FGD4: variants seen among roughly 807,000 people sequenced by gnomAD.
The protein encoded by FGD4 is FYVE, RhoGEF and PH domain-containing protein 4.
FGD4 carries 42 observed loss-of-function variants against 102.0 expected under a neutral mutation model. The ratio of observed to expected loss-of-function variants is 0.41; its 90% CI spans 0.32 to 0.53. The LOEUF (loss-of-function observed/expected upper bound fraction) is 0.53. Ranked by LOEUF, FGD4 falls within the 20% of genes least tolerant of loss-of-function variation. FGD4 has a pLI of 0.21. For synonymous variants in FGD4, 380 were observed against 375.7 expected (o/e 1.01, Z -0.13); for missense variants, 902 against 1,078.2 (o/e 0.84, Z 2.29).
intron 1 of FGD4, among the ~76,000 whole-genome samples, chr12:32,527,989 C>T (rs552080628): frequency 2.6e-5 from 4 of 151,730 alleles, no homozygotes; most frequent in Non-Finnish European, 5.9e-5. Flanking sequence ...TTTTTGGTGA[C>T]AGTCTTGCTC....
intron 1 of FGD4, among the ~76,000 whole-genome samples, chr12:32,552,145 C>T (rs1943716713): frequency 2.0e-5 from 3 of 152,210 alleles, no homozygotes; most frequent in African/African-American, 7.2e-5. Context: ...CAGAAAGAGA[C>T]ACATGTACTT....
intron 1 of FGD4, among the ~76,000 whole-genome samples, chr12:32,416,158 C>G (rs1484749417): frequency 6.6e-6 from 1 of 152,114 alleles, no homozygotes; most frequent in African/African-American, 2.4e-5. Context: ...TGCCACCATG[C>G]CCAGCTAATT....
intron 1 of FGD4, among the ~76,000 whole-genome samples, chr12:32,530,320 TA>T (rs1179974323): frequency 6.6e-6 from 1 of 152,002 alleles, no homozygotes; most frequent in Non-Finnish European, 1.5e-5. Flanking sequence ...CTGTCTCTAC[TA>T]AAAAAACGAA....
chr12:32,591,251 A>AATG (rs984582202), intron 4 of FGD4, among the ~76,000 whole-genome samples: 1 of 152,180 alleles, frequency 6.6e-6, no homozygotes, highest in Non-Finnish European at 1.5e-5. Flanking sequence ...GTCCTATAAA[A>AATG]ACCTGATAAT....
chr12:32,514,763 T>C (rs1939730793), intron 1 of FGD4, among the ~76,000 whole-genome samples: 1 of 152,176 alleles, frequency 6.6e-6, no homozygotes, highest in African/African-American at 2.4e-5. Context: ...AAAGTTGACA[T>C]CTCAAATCAA....
At chr12:32,597,046 C>A (rs1233729600) in intron 4 of FGD4, among the ~76,000 whole-genome samples, 1 of 151,854 alleles carries the variant, frequency 6.6e-6, no homozygotes, top group Non-Finnish European at 1.5e-5. Context: ...CACAAAACAA[C>A]TGACAAAATA....
intron 1 of FGD4, among the ~76,000 whole-genome samples, chr12:32,559,257 A>G (rs1314348285): frequency 1.3e-5 from 2 of 152,228 alleles, no homozygotes; most frequent in African/African-American, 2.4e-5. Context: ...CCAAGATGTT[A>G]GCAGATGAAG....
At chr12:32,625,138 A>G in intron 13 of FGD4, 70 bp downstream of exon 13, 3 of 1,345,438 alleles carry the variant, frequency 2.2e-6, no homozygotes, top group South Asian at 1.2e-5. Context: ...CTGTCTAATC[A>G]TTTTGTTCTC....
chr12:32,407,650 A>G (rs906160083), intron 1 of FGD4, among the ~76,000 whole-genome samples: 8 of 151,900 alleles, frequency 5.3e-5, no homozygotes, highest in Non-Finnish European at 8.8e-5. Flanking sequence ...TTGACTCCTC[A>G]TTGCACTTTT....
chr12:32,546,267 T>C (rs1418397157), intron 1 of FGD4, among the ~76,000 whole-genome samples: 2 of 152,232 alleles, frequency 1.3e-5, no homozygotes, highest in Non-Finnish European at 2.9e-5. Context: ...TCTCAGTATG[T>C]TGCTTAGGCT....
At chr12:32,427,000 TA>T (rs1314907595) in intron 1 of FGD4, among the ~76,000 whole-genome samples, 12 of 151,982 alleles carry the variant, frequency 7.9e-5, no homozygotes, top group South Asian at 4.2e-4. Context: ...GTTAATCTTT[TA>T]AAAAAAACCA....
intron 2 of FGD4, 114 bp downstream of exon 2, chr12:32,564,403 T>A: frequency 8.2e-7 from 1 of 1,215,844 alleles, no homozygotes; most frequent in Non-Finnish European, 1.1e-6. Flanking sequence ...AGGAATTGGG[T>A]ACATTATTTT....
rs570081830 is a variant in FGD4 at position 32,556,251 on chromosome 12, A to T, written c.167-7886A>T. ...GGTTAAACAAGGGGTATGCTTTAAA[A>T]TTTTTTTTAATTTTAATTGTGGTAA... On this transcript the variant is annotated intron_variant, in intron 1 of 16. Coordinates refer to ENST00000534526, the MANE Select transcript of FGD4 (RefSeq NM_001370298.3). Among the ~76,000 whole-genome samples the T allele has an allele frequency of 3.7e-3, 565 of 152,058 alleles. 2 individuals are homozygous for T. The highest frequency in any genetic ancestry group is 0.013 in the African/African-American group (526 of 41,490).
intron 1 of FGD4, among the ~76,000 whole-genome samples, chr12:32,525,634 G>A (rs1941065345): frequency 6.6e-6 from 1 of 152,234 alleles, no homozygotes; most frequent in East Asian, 1.9e-4. Flanking sequence ...GCTGGCCAAG[G>A]CCGGAGCCCA....
At chr12:32,491,157 A>G (rs375552409) in intron 1 of FGD4, among the ~76,000 whole-genome samples, 2 of 150,676 alleles carry the variant, frequency 1.3e-5, no homozygotes, top group South Asian at 2.1e-4. Context: ...AAAACAAAAA[A>G]CTATAAAATT....
intron 1 of FGD4, among the ~76,000 whole-genome samples, chr12:32,562,478 C>T (rs1380306358): frequency 6.6e-6 from 1 of 152,030 alleles, no homozygotes; most frequent in South Asian, 2.1e-4. Flanking sequence ...TTGGCAGGGT[C>T]ATAGGACAAT....
At chr12:32,421,869 A>G (rs928730009) in intron 1 of FGD4, among the ~76,000 whole-genome samples, 1 of 152,116 alleles carries the variant, frequency 6.6e-6, no homozygotes, top group Non-Finnish European at 1.5e-5. Flanking sequence ...GGCCGGGCGC[A>G]GTGGCTCACG....
chr12:32,435,807 T>C (rs560395048), intron 1 of FGD4, among the ~76,000 whole-genome samples: 1 of 152,350 alleles, frequency 6.6e-6, no homozygotes, highest in South Asian at 2.1e-4. Flanking sequence ...TTTGTAATTC[T>C]ACTTACTGCT....
chr12:32,535,374 C>T (rs1042662673), intron 1 of FGD4, among the ~76,000 whole-genome samples: 1 of 152,192 alleles, frequency 6.6e-6, no homozygotes, highest in African/African-American at 2.4e-5. Context: ...GGGGCATACG[C>T]TGAGTGTGGA....
Sources: gnomAD v4.1 joint callset for allele counts (sites outside exome capture counted in the v4.1 genomes callset) on GRCh38, gnomAD v4.1.1 for gene constraint, MANE v1.5 for transcripts, NCBI Gene and HGNC (gene_info 2026-07-23, HGNC 2026-07-21) for gene names.